The following EPHA3 variants were observed in gnomAD, a reference collection of about 807,000 sequenced individuals.
EPHA3 encodes the protein ephrin type-A receptor 3.
In EPHA3, 42 loss-of-function variants were observed where a neutral mutation model predicts 107.1. That is an observed-to-expected ratio of 0.39 (90% CI 0.31 to 0.51). EPHA3 has a LOEUF of 0.51. EPHA3 is among the 20% of genes least tolerant of loss of function. The probability of loss-of-function intolerance (pLI) is 0.78; values close to 1 mark genes in which losing one functional copy is unlikely to be tolerated. For missense variants in EPHA3, 1,183 were observed against 1,211.2 expected (o/e 0.98, Z 0.35); for synonymous variants, 461 against 424.8 (o/e 1.09, Z -1.05).
At chr3:89,292,213 C>T (rs532962709) in intron 3 of EPHA3, among the ~76,000 whole-genome samples, 2 of 152,098 alleles carry the variant, frequency 1.3e-5, no homozygotes, top group East Asian at 3.9e-4. Flanking sequence ...ATTCAACCAA[C>T]CATGAATCAA....
At position 89,232,907 on chromosome 3, in the gene EPHA3, GC is replaced by G. The variant is rs1180908946; in HGVS notation, c.814+22388del. On this transcript the variant is annotated intron_variant, in intron 3 of 16. Transcript: ENST00000336596. ...GAACTTTCAATTTTATTGAACCGTA[GC>G]TGTTAGCTCTCTTTTCTCCCTGTAC... 2.6e-5 allele frequency among the ~76,000 whole-genome samples: 4 copies of G among 152,122 alleles called. No individual in the cohort carries two copies. The East Asian group carries it at 7.7e-4, about 29-fold the overall frequency.
chr3:89,361,833 T>G (rs192887844), intron 5 of EPHA3, among the ~76,000 whole-genome samples: 1 of 151,162 alleles, frequency 6.6e-6, no homozygotes, highest in Admixed American at 6.6e-5. Flanking sequence ...TTGATCATGG[T>G]TTAATAATTC....
chr3:89,171,055 G>A lies in EPHA3; in HGVS notation c.154-38805G>A, dbSNP rs3923215. On this transcript the variant is annotated intron_variant, in intron 2 of 16. Transcript: ENST00000336596. ...GCTTCTGTTTAGTATCACATTATGGGCATGCATTTTCAGATTGGTACAAAT... is the reference window on the plus strand; with the variant it reads ...GCTTCTGTTTAGTATCACATTATGGACATGCATTTTCAGATTGGTACAAAT... Among the ~76,000 whole-genome samples the A allele has an allele frequency of 1.3e-4, 20 of 151,558 alleles. No homozygotes were observed. The South Asian group carries it at 4.2e-3, about 32-fold the overall frequency.
intron 5 of EPHA3, among the ~76,000 whole-genome samples, chr3:89,390,030 C>T (rs1192205861): frequency 8.5e-5 from 13 of 152,104 alleles, no homozygotes; most frequent in East Asian, 5.8e-4. Context: ...CTCACTCTGT[C>T]GCCCTGACTG....
At chr3:89,312,425 T>G (rs576186061) in intron 3 of EPHA3, among the ~76,000 whole-genome samples, 14 of 151,700 alleles carry the variant, frequency 9.2e-5, no homozygotes, top group African/African-American at 3.4e-4. Flanking sequence ...GTTTATGAAA[T>G]AAAGACAGTT....
intron 2 of EPHA3, among the ~76,000 whole-genome samples, chr3:89,187,231 T>A (rs1048084298): frequency 6.6e-6 from 1 of 150,558 alleles, no homozygotes. Flanking sequence ...ATATTTATAA[T>A]ATGCTTAATG....
intron 15 of EPHA3, among the ~76,000 whole-genome samples, chr3:89,455,982 C>T (rs1710090750): frequency 6.6e-6 from 1 of 152,192 alleles, no homozygotes; most frequent in Admixed American, 6.5e-5. Flanking sequence ...CCATGCTTCT[C>T]TCGTATTACC....
Position 89,450,180 on chromosome 3 carries a change from A to T in EPHA3, c.2500A>T (p.Ile834Phe). The T allele has an allele frequency of 6.3e-7, 1 of 1,585,320 alleles. No homozygotes were observed. The highest frequency in any genetic ancestry group is 8.6e-7 in the Non-Finnish European group (1 of 1,165,612). Residue 834 changes from isoleucine to phenylalanine, a missense_variant, in exon 15 of 17, where the codon ATT becomes TTT. Ile to Phe is a conservative substitution (Grantham distance 21). Coordinates refer to ENST00000336596, the MANE Select transcript of EPHA3 (RefSeq NM_005233.6). ...PYWEMSNQDVIKAVDEGYRLP... is the reference protein window; with the variant it reads ...PYWEMSNQDVFKAVDEGYRLP... The stretch of plus-strand genomic sequence containing the variant: ...GAAAACTTTGCTTCTCACACAGGTA[A>T]TTAAAGCTGTAGATGAGGGCTATCG...
chr3:89,250,094 T>C (rs762525823), intron 3 of EPHA3, among the ~76,000 whole-genome samples: 3 of 152,240 alleles, frequency 2.0e-5, no homozygotes, highest in Non-Finnish European at 4.4e-5. Flanking sequence ...TTAAAGTTCT[T>C]TTAATTGAAG....
At chr3:89,359,835 A>ATATATATACATATATATACACG (rs1708055744) in intron 5 of EPHA3, among the ~76,000 whole-genome samples, 1 of 139,542 alleles carries the variant, frequency 7.2e-6, no homozygotes, top group Non-Finnish European at 1.6e-5. Flanking sequence ...ATATATATAC[A>ATATATATACATATATATACACG]TATATATATA....
intron 3 of EPHA3, among the ~76,000 whole-genome samples, chr3:89,297,545 A>C (rs1706385407): frequency 6.6e-6 from 1 of 152,192 alleles, no homozygotes; most frequent in African/African-American, 2.4e-5. Flanking sequence ...CTCGGATCAT[A>C]GATCACCATA....
In EPHA3 at chr3:89,419,739, C is replaced by T. The variant is rs117838905; in HGVS notation, c.2074+349C>T. On this transcript the variant is annotated intron_variant, in intron 11 of 16. Transcript: ENST00000336596. ...CAATGACTCAAGCTTGACAGGAACT[C>T]CCAGCTAGCTGCCTTTTCTTTTATT... Among the ~76,000 whole-genome samples, 99 of 151,502 alleles carry T rather than the reference C, an allele frequency of 6.5e-4. No individual in the cohort carries two copies. In the East Asian group the frequency reaches 0.017, roughly 26 times the overall value.
intron 15 of EPHA3, among the ~76,000 whole-genome samples, chr3:89,458,825 T>C (rs1710155133): frequency 6.6e-6 from 1 of 152,150 alleles, no homozygotes; most frequent in African/African-American, 2.4e-5. Context: ...GTAGCACATA[T>C]ACACCATGGA....
chr3:89,305,529 CTTA>C (rs1310955035), intron 3 of EPHA3, among the ~76,000 whole-genome samples: 7 of 152,078 alleles, frequency 4.6e-5, no homozygotes, highest in Admixed American at 6.6e-5. Context: ...TTACTATATT[CTTA>C]TTATGTAATA....
chr3:89,412,295 A>G (rs1183332669), intron 9 of EPHA3, among the ~76,000 whole-genome samples: 1 of 151,730 alleles, frequency 6.6e-6, no homozygotes, highest in Non-Finnish European at 1.5e-5. Context: ...TAACTACAGG[A>G]TATGAACATT....
chr3:89,440,601 G>A (rs1214318627), intron 13 of EPHA3, among the ~76,000 whole-genome samples: 1 of 152,142 alleles, frequency 6.6e-6, no homozygotes, highest in Non-Finnish European at 1.5e-5. Flanking sequence ...ATGTCTCATT[G>A]AACTGTCTAA....
intron 3 of EPHA3, among the ~76,000 whole-genome samples, chr3:89,297,521 G>A (rs1336395602): frequency 6.6e-6 from 1 of 151,914 alleles, no homozygotes; most frequent in Non-Finnish European, 1.5e-5. Context: ...ATTACAAAAA[G>A]GAACATCAAA....
chr3:89,368,345 C>T (rs1708223451), intron 5 of EPHA3, among the ~76,000 whole-genome samples: 1 of 150,008 alleles, frequency 6.7e-6, no homozygotes, highest in Admixed American at 6.7e-5. Flanking sequence ...TAGGGCACTC[C>T]AGAAAAACAG....
At chr3:89,318,283 C>T (rs1339605120) in intron 3 of EPHA3, among the ~76,000 whole-genome samples, 1 of 151,826 alleles carries the variant, frequency 6.6e-6, no homozygotes, top group Non-Finnish European at 1.5e-5. Context: ...AGAAAACTTA[C>T]TGTCTTTTTC....
Sources: allele counts gnomAD v4.1 joint callset (sites outside exome capture counted in the v4.1 genomes callset), GRCh38; gene constraint gnomAD v4.1.1; transcripts MANE v1.5; gene names NCBI Gene and HGNC (gene_info 2026-07-23, HGNC 2026-07-21).